Variants in FMN1 observed in about 807,000 individuals in gnomAD.
FMN1 encodes the protein formin-1.
In FMN1, 110 loss-of-function variants were observed where a neutral mutation model predicts 132.4. The observed-to-expected ratio is 0.83, with a 90% CI of 0.71 to 0.97. The LOEUF (loss-of-function observed/expected upper bound fraction) is 0.97. Among genes scored for constraint, FMN1 ranks in the 50% least tolerant of loss-of-function variants. The pLI is 0.00. For missense variants in FMN1, 1,792 were observed against 1,705.3 expected, an observed-to-expected ratio of 1.05 and a Z score of -0.90; for synonymous variants, 722 against 651.7, an observed-to-expected ratio of 1.11 and a Z score of -1.64.
In FMN1 at chr15:33,052,871, TCTTTA is replaced by T. The variant is rs146095632; in HGVS notation, c.2161+12081_2161+12085del. Among the ~76,000 whole-genome samples the T allele has an allele frequency of 4.6e-5, 7 of 152,162 alleles. No individual in the cohort carries two copies. In the South Asian group the frequency reaches 6.2e-4, roughly 14 times the overall value. ...CTGTCATGCCCACCTTTGAGTGGTG[TCTTTA>T]CTTTAACCTTTTTTGCATATTCACA... On this transcript the variant is annotated intron_variant, in intron 6 of 20. Transcript: ENST00000616417.
chr15:33,193,226 A>G (rs898350134), intron 2 of FMN1, among the ~76,000 whole-genome samples: 2 of 152,130 alleles, frequency 1.3e-5, no homozygotes, highest in African/African-American at 4.8e-5. Flanking sequence ...TTCCACAACG[A>G]CAGTTAATCT....
chr15:33,097,001 A>G (rs1449026306), intron 4 of FMN1, among the ~76,000 whole-genome samples: 1 of 152,110 alleles, frequency 6.6e-6, no homozygotes, highest in East Asian at 1.9e-4. Flanking sequence ...ACCTCAGTAG[A>G]AAGCATAGGT....
intron 17 of FMN1, among the ~76,000 whole-genome samples, chr15:32,812,044 A>G (rs1358682856): frequency 6.6e-6 from 1 of 150,680 alleles, no homozygotes; most frequent in Admixed American, 6.6e-5. Context: ...ACAAACAAAC[A>G]AACAAAACCA....
chr15:32,965,393 C>G (rs1013456963), intron 8 of FMN1, among the ~76,000 whole-genome samples: 1 of 152,002 alleles, frequency 6.6e-6, no homozygotes, highest in Non-Finnish European at 1.5e-5. Flanking sequence ...GAACAAGAGT[C>G]CATCTCAAAA....
At chr15:32,961,458 G>A (rs1596350138) in intron 9 of FMN1, among the ~76,000 whole-genome samples, 1 of 152,058 alleles carries the variant, frequency 6.6e-6, no homozygotes. Flanking sequence ...ATAGAGAAGG[G>A]AAAATACGAC....
At chr15:33,145,420 C>T (rs940211057) in intron 4 of FMN1, among the ~76,000 whole-genome samples, 30 of 151,938 alleles carry the variant, frequency 2.0e-4, no homozygotes, top group Admixed American at 5.9e-4. Context: ...GTCTGTACAT[C>T]CTGTTATGCA....
intron 5 of FMN1, among the ~76,000 whole-genome samples, chr15:33,073,313 T>G (rs548053464): frequency 1.3e-5 from 2 of 152,310 alleles, no homozygotes; most frequent in South Asian, 4.1e-4. Context: ...TAATGACAAA[T>G]TGCTTCTAGC....
chr15:33,032,364 T>C (rs958429651), intron 6 of FMN1, among the ~76,000 whole-genome samples: 2 of 152,210 alleles, frequency 1.3e-5, no homozygotes, highest in Non-Finnish European at 2.9e-5. Context: ...CAAAAATAAA[T>C]ATTAGCTTAA....
intron 7 of FMN1, among the ~76,000 whole-genome samples, chr15:32,988,049 GTTTTTTTTTTT>G (rs10573409): frequency 8.5e-6 from 1 of 118,164 alleles, no homozygotes; most frequent in Admixed American, 9.5e-5. Context: ...TGTCTCTCCA[GTTTTTTTTTTT>G]TTTTTTTTTT....
chr15:32,864,499 C>T (rs2059347873), intron 16 of FMN1, among the ~76,000 whole-genome samples: 1 of 152,156 alleles, frequency 6.6e-6, no homozygotes, highest in Non-Finnish European at 1.5e-5. Context: ...AAGGTGTTTT[C>T]CTTCTTTAAC....
intron 9 of FMN1, among the ~76,000 whole-genome samples, chr15:32,952,169 A>G (rs1299317953): frequency 6.6e-6 from 1 of 152,218 alleles, no homozygotes; most frequent in Admixed American, 6.5e-5. Flanking sequence ...TCCACACCCC[A>G]AGAGTATATG....
chr15:32,913,804 CA>C (rs2060619244), intron 10 of FMN1, among the ~76,000 whole-genome samples: 1 of 152,098 alleles, frequency 6.6e-6, no homozygotes. Context: ...AGCATGGTAC[CA>C]GGGGTGTAGC....
At chr15:33,179,500 T>C (rs978068124) in intron 3 of FMN1, among the ~76,000 whole-genome samples, 42 of 152,212 alleles carry the variant, frequency 2.8e-4, no homozygotes, top group African/African-American at 9.9e-4. Context: ...TTAGAAAGGC[T>C]TCCTTGGTCA....
chr15:33,004,916 T>C (rs985985369), intron 7 of FMN1, among the ~76,000 whole-genome samples: 7 of 152,120 alleles, frequency 4.6e-5, no homozygotes, highest in African/African-American at 1.7e-4. Flanking sequence ...GAAACCATCA[T>C]TCTCAGCAAA....
At position 32,785,216 on chromosome 15, in the gene FMN1, A is replaced by ATTTTTTTTT. The variant is rs1281698107; in HGVS notation, c.4131-8298_4131-8297insAAAAAAAAA. On this transcript the variant is annotated intron_variant, in intron 19 of 20. Transcript: ENST00000616417. ...TGTGTGTGTGTATATATATATATAT[A>ATTTTTTTTT]TATTTTTTTTTTTTTTTTTTTGTAG... is the stretch of plus-strand genomic sequence containing the variant. 4.1e-3 allele frequency among the ~76,000 whole-genome samples: 82 copies of ATTTTTTTTT among 20,106 alleles called. 7 individuals carry two copies. The highest frequency in any genetic ancestry group is 4.4e-3 in the African/African-American group (32 of 7,252). 13.2% of individuals were successfully genotyped at this position (20,106 alleles called of 152,430 possible).
chr15:33,031,626 C>A (rs1438764919), intron 6 of FMN1, among the ~76,000 whole-genome samples: 2 of 152,178 alleles, frequency 1.3e-5, no homozygotes, highest in Non-Finnish European at 2.9e-5. Flanking sequence ...TCACAGCTGT[C>A]CCAAATAAAG....
rs375315420 is a variant in FMN1 at position 33,066,880 on chromosome 15, C to T, written c.2044-1806G>A. 1.1e-5 allele frequency: 17 copies of T among 1,613,944 alleles called. No individual in the cohort carries two copies. The highest frequency in any genetic ancestry group is 4.5e-5 in the East Asian group (2 of 44,870). ...GCTCCAGGAGAGTGGGAGTGGCCTT[C>T]GGATCAGTTGCTTTCTTCTCACTCT... On this transcript the variant is annotated intron_variant, in intron 5 of 20. Transcript: ENST00000616417.
In FMN1 at chr15:32,869,258, A is replaced by G. The variant is rs2059460918; in HGVS notation, c.3836-12151T>C. Among the ~76,000 whole-genome samples the G allele has an allele frequency of 1.3e-5, 2 of 152,046 alleles. 1 individual carries two copies. The highest frequency in any genetic ancestry group is 4.2e-4 in the South Asian group (2 of 4,818). On this transcript the variant is annotated intron_variant, in intron 16 of 20. Transcript: ENST00000616417. Reference sequence around the variant, plus strand: ...GGAAAGAGTGTGCGTAGGGGAGAAAAGCTTCTGGGCCCCAAAGGTATCCCA... The same window carrying G: ...GGAAAGAGTGTGCGTAGGGGAGAAAGGCTTCTGGGCCCCAAAGGTATCCCA...
At chr15:33,188,896 T>C (rs1965980763) in intron 2 of FMN1, among the ~76,000 whole-genome samples, 1 of 152,116 alleles carries the variant, frequency 6.6e-6, no homozygotes, top group African/African-American at 2.4e-5. Context: ...CCCATCTCAG[T>C]TTTCTCCACT....
Sources: allele counts gnomAD v4.1 joint callset (sites outside exome capture counted in the v4.1 genomes callset), GRCh38; gene constraint gnomAD v4.1.1; transcripts MANE v1.5; gene names NCBI Gene and HGNC (gene_info 2026-07-23, HGNC 2026-07-21).